The following MED13L variants were observed in gnomAD, a reference collection of about 807,000 sequenced individuals.
The protein encoded by MED13L is mediator of RNA polymerase II transcription subunit 13-like.
In MED13L, 7 loss-of-function variants were observed where a neutral mutation model predicts 220.9. The ratio of observed to expected loss-of-function variants is 0.03; its 90% CI spans 0.02 to 0.06. The LOEUF (loss-of-function observed/expected upper bound fraction) is 0.06. MED13L is among the 10% of genes least tolerant of loss of function. MED13L has a pLI of 1.00. For missense variants in MED13L, 1,965 were observed against 2,760.5 expected (o/e 0.71, Z 6.46); for synonymous variants, 1,011 against 1,015.2 (o/e 1.00, Z 0.08).
At chr12:115,982,258 G>T in intron 22 of MED13L, 126 bp downstream of exon 22, 2 of 965,240 alleles carry the variant, frequency 2.1e-6, no homozygotes, top group Non-Finnish European at 3.2e-6. Flanking sequence ...CTGGTTCCTA[G>T]TATTTTGGTT....
At chr12:116,149,987 C>T (rs1239570455) in intron 2 of MED13L, among the ~76,000 whole-genome samples, 2 of 152,040 alleles carry the variant, frequency 1.3e-5, no homozygotes, top group African/African-American at 4.8e-5. Context: ...TTAATGTATC[C>T]ATTTTTAATG....
chr12:116,139,472 A>C lies in MED13L; in HGVS notation c.311-27960T>G, dbSNP rs1488985553. ...GCCAAGTGATCCCAGTTCAAAATTG[A>C]AATGTTTTGTCACCTAACATCAAAG... On this transcript the variant is annotated intron_variant, in intron 2 of 30. Transcript: ENST00000281928. Among the ~76,000 whole-genome samples, 8 of 152,202 alleles carry C rather than the reference A, an allele frequency of 5.3e-5. No homozygotes were observed. The East Asian group carries it at 1.5e-3, about 29-fold the overall frequency.
At chr12:116,119,838 A>AAAAATAT (rs1555213242) in intron 2 of MED13L, among the ~76,000 whole-genome samples, 14 of 31,592 alleles carry the variant, frequency 4.4e-4, no homozygotes, top group East Asian at 2.9e-3. Flanking sequence ...AAAAAAAAAA[A>AAAAATAT]ATATATATAT....
chr12:116,057,494 A>AAAG (rs1019710611), intron 4 of MED13L, among the ~76,000 whole-genome samples: 21 of 151,908 alleles, frequency 1.4e-4, no homozygotes, highest in Non-Finnish European at 2.9e-4. Flanking sequence ...CTGATGGCAG[A>AAAG]ATATTCTGTC....
intron 23 of MED13L, among the ~76,000 whole-genome samples, chr12:115,977,977 C>T (rs1877054507): frequency 6.6e-6 from 1 of 152,010 alleles, no homozygotes; most frequent in Non-Finnish European, 1.5e-5. Context: ...CCCTGGGTGA[C>T]AGAGCGAGAC....
intron 2 of MED13L, among the ~76,000 whole-genome samples, chr12:116,190,824 G>GCACA (rs1490902939): frequency 6.6e-6 from 1 of 152,112 alleles, no homozygotes; most frequent in Admixed American, 6.5e-5. Flanking sequence ...GCACACAGTG[G>GCACA]CTCATACCTG....
chr12:116,253,320 C>A (rs1871736500), intron 1 of MED13L, among the ~76,000 whole-genome samples: 1 of 151,216 alleles, frequency 6.6e-6, no homozygotes, highest in Admixed American at 6.6e-5. Context: ...TTCAAACCTT[C>A]CCACAAGAAA....
At chr12:116,043,429 T>A (rs549597474) in intron 4 of MED13L, among the ~76,000 whole-genome samples, 1 of 152,342 alleles carries the variant, frequency 6.6e-6, no homozygotes, top group South Asian at 2.1e-4. Flanking sequence ...AGCTTCTACA[T>A]GCTGCCTCCC....
chr12:116,163,144 A>T (rs1485294923), intron 2 of MED13L, among the ~76,000 whole-genome samples: 2 of 152,166 alleles, frequency 1.3e-5, no homozygotes, highest in African/African-American at 4.8e-5. Context: ...TTTCTTCTCA[A>T]ATAGTTACAA....
intron 1 of MED13L, among the ~76,000 whole-genome samples, chr12:116,238,978 T>G (rs1870359447): frequency 1.3e-5 from 2 of 151,936 alleles, no homozygotes; most frequent in Non-Finnish European, 2.9e-5. Context: ...GCCTGTAATC[T>G]CAGCTACTCA....
chr12:115,983,284 A>T lies in MED13L; in HGVS notation c.4788T>A (p.Ile1596=), dbSNP rs757338321. Residue 1596 remains isoleucine (I), a synonymous_variant, in exon 21 of 31, where the codon ATT becomes ATA. Transcript: ENST00000281928. Reference sequence around the variant, plus strand: ...AAGAAGAGGTAGTGCTTATCTGGCTAATACCAGGAGCAGAGGCAGACGATG... The same window carrying T: ...AAGAAGAGGTAGTGCTTATCTGGCTTATACCAGGAGCAGAGGCAGACGATG... ...PVSSSASAPG[I]SQISTTSSSG... 5.3e-5 allele frequency: 86 copies of T among 1,614,094 alleles called. No individual in the cohort carries two copies. In the Middle Eastern group the frequency reaches 6.6e-4, roughly 12 times the overall value.
chr12:116,058,101 T>C (rs1159282583), intron 4 of MED13L, among the ~76,000 whole-genome samples: 2 of 152,176 alleles, frequency 1.3e-5, no homozygotes, highest in African/African-American at 2.4e-5. Flanking sequence ...GATTCAACTA[T>C]AGACAATCAA....
chr12:116,000,896 T>TA (rs914462168), intron 14 of MED13L, among the ~76,000 whole-genome samples: 14 of 151,650 alleles, frequency 9.2e-5, no homozygotes, highest in Admixed American at 2.0e-4. Context: ...CTTGACCAAA[T>TA]AGAGATGGGT....
intron 4 of MED13L, among the ~76,000 whole-genome samples, chr12:116,092,681 AAG>A (rs1301418127): frequency 6.6e-6 from 1 of 152,178 alleles, no homozygotes; most frequent in Non-Finnish European, 1.5e-5. Flanking sequence ...GAAAATAAAA[AAG>A]AAGTTTTAAA....
chr12:116,160,566 C>T (rs1334778641), intron 2 of MED13L, among the ~76,000 whole-genome samples: 1 of 150,138 alleles, frequency 6.7e-6, no homozygotes, highest in South Asian at 2.1e-4. Context: ...AGAGGCTGGA[C>T]TGGATCCAAA....
At chr12:116,220,938 G>A (rs1868373204) in intron 2 of MED13L, among the ~76,000 whole-genome samples, 1 of 152,256 alleles carries the variant, frequency 6.6e-6, no homozygotes, top group East Asian at 1.9e-4. Flanking sequence ...AAACTTCAGT[G>A]ATTAGTTTGA....
chr12:116,071,658 A>T (rs1446915477), intron 4 of MED13L, among the ~76,000 whole-genome samples: 1 of 152,232 alleles, frequency 6.6e-6, no homozygotes, highest in Non-Finnish European at 1.5e-5. Context: ...CAATATTTTC[A>T]TCATATGATG....
chr12:116,059,310 T>G (rs575447150), intron 4 of MED13L, among the ~76,000 whole-genome samples: 3 of 152,280 alleles, frequency 2.0e-5, no homozygotes, highest in Non-Finnish European at 2.9e-5. Context: ...TCCTCCTGCC[T>G]AGGCCTCCCA....
At chr12:116,235,404 C>T (rs1869985912) in intron 2 of MED13L, among the ~76,000 whole-genome samples, 1 of 152,096 alleles carries the variant, frequency 6.6e-6, no homozygotes, top group African/African-American at 2.4e-5. Context: ...AAAATATTCA[C>T]AATACTACAT....
Sources: gnomAD v4.1 joint callset for allele counts (sites outside exome capture counted in the v4.1 genomes callset) on GRCh38, gnomAD v4.1.1 for gene constraint, MANE v1.5 for transcripts, NCBI Gene and HGNC (gene_info 2026-07-23, HGNC 2026-07-21) for gene names.